The following SCN10A variants were observed in gnomAD, a reference collection of about 807,000 sequenced individuals.
SCN10A encodes sodium channel protein type 10 subunit alpha.
SCN10A carries 162 observed loss-of-function variants against 170.7 expected under a neutral mutation model. The observed-to-expected ratio is 0.95, with a 90% CI of 0.84 to 1.08. The LOEUF (loss-of-function observed/expected upper bound fraction) is 1.08, where lower values mean the gene tolerates loss of function less well. Among genes scored for constraint, SCN10A ranks in the 50% least tolerant of loss-of-function variants. SCN10A has a pLI of 0.00. For missense variants in SCN10A, 2,527 were observed against 2,436.9 expected (o/e 1.04, Z -0.78); for synonymous variants, 985 against 904.6 (o/e 1.09, Z -1.59).
At position 38,718,803 on chromosome 3, in the gene SCN10A, G is replaced by A. The variant is rs775657564; in HGVS notation, c.3531C>T (p.Asp1177=). 4 of 1,614,100 alleles carry A rather than the reference G, an allele frequency of 2.5e-6. No homozygotes were observed. The highest frequency in any genetic ancestry group is 3.3e-4 in the Middle Eastern group (2 of 6,084). ...GCAAAGCTTTCACCGTGGGCTTCTGGTCCAGGTAATAGTCTTCAAAGGCCT... is the reference window on the plus strand; with the variant it reads ...GCAAAGCTTTCACCGTGGGCTTCTGATCCAGGTAATAGTCTTCAAAGGCCT... ...GSLAFEDYYL[D]QKPTVKALLE... The change falls in exon 21 of 28, where the codon GAC becomes GAT. Residue 1177 remains aspartate, a synonymous_variant. Coordinates refer to ENST00000449082, the MANE Select transcript of SCN10A (RefSeq NM_006514.4).
At chr3:38,774,042 A>G (rs1296634775) in intron 4 of SCN10A, among the ~76,000 whole-genome samples, 1 of 152,216 alleles carries the variant, frequency 6.6e-6, no homozygotes, top group Non-Finnish European at 1.5e-5. Context: ...AAACTCTGTG[A>G]CCTTTTAAAT....
intron 1 of SCN10A, among the ~76,000 whole-genome samples, chr3:38,794,766 T>C (rs2064327718): frequency 6.6e-6 from 1 of 152,220 alleles, no homozygotes; most frequent in Non-Finnish European, 1.5e-5. Flanking sequence ...GTATCCCTAG[T>C]CAGCAGTTTC....
At chr3:38,798,969 G>T (rs1200331577) in intron 1 of SCN10A, among the ~76,000 whole-genome samples, 1 of 151,586 alleles carries the variant, frequency 6.6e-6, no homozygotes, top group African/African-American at 2.4e-5. Flanking sequence ...TCATATTTTT[G>T]ATGGGGTTTT....
chr3:38,703,298 G>A (rs2063176168), intron 26 of SCN10A, among the ~76,000 whole-genome samples: 1 of 152,172 alleles, frequency 6.6e-6, no homozygotes, highest in Non-Finnish European at 1.5e-5. Flanking sequence ...TAATGTCCAT[G>A]TGCATTACTC....
chr3:38,759,066 C>T (rs1237765374), intron 8 of SCN10A, among the ~76,000 whole-genome samples: 1 of 152,158 alleles, frequency 6.6e-6, no homozygotes, highest in East Asian at 1.9e-4. Flanking sequence ...ACCAAATGCT[C>T]CTGCTTGTTT....
In SCN10A at chr3:38,793,831, G is replaced by T. The variant is rs762808748; in HGVS notation, c.180C>A (p.Cys60Ter). ...KPRPQLDLKA[C>*]NQLPKFYGEL... ...CACCATAGAACTTGGGCAGCTGGTT[G>T]CAGGCTTTCAAGTCCAGCTGGGGCC... Residue 60 changes from cysteine to a stop codon, truncating the protein, a stop_gained, in exon 2 of 28, where the codon TGC (cysteine) becomes TGA (stop). Transcript: ENST00000449082. LOFTEE classifies it high-confidence loss of function. 6.2e-7 allele frequency: 1 copy of T among 1,614,044 alleles called. No individual in the cohort carries two copies. The highest frequency in any genetic ancestry group is 1.1e-5 in the South Asian group (1 of 91,072).
intron 1 of SCN10A, among the ~76,000 whole-genome samples, chr3:38,815,508 A>C (rs1323903902): frequency 1.3e-5 from 2 of 152,172 alleles, no homozygotes; most frequent in Non-Finnish European, 2.9e-5. Context: ...CCTGATCCTT[A>C]CTTCTCTAAC....
chr3:38,742,336 A>T lies in SCN10A; in HGVS notation c.2061T>A (p.His687Gln), dbSNP rs768347496. 6.2e-7 allele frequency: 1 copy of T among 1,613,540 alleles called. No homozygotes were observed. The change falls in exon 14 of 28, where the codon CAT becomes CAA. Residue 687 changes from histidine (H) to glutamine (Q), a missense_variant. Physicochemically the swap from His to Gln is conservative, Grantham distance 24. Transcript: ENST00000449082. ...VNTIFMAMEH[H>Q]GMSPTFEAML... is the part of the protein sequence containing the mutation. ...TGGCTTCGAAGGTAGGGCTCATGCC[A>T]TGGTGCTCCATGGCCATGAAGATGG...
intron 1 of SCN10A, among the ~76,000 whole-genome samples, chr3:38,813,628 C>T (rs1308193238): frequency 6.6e-6 from 1 of 152,142 alleles, no homozygotes; most frequent in Admixed American, 6.5e-5. Context: ...TATAACTGGC[C>T]ATGGCCACTC....
intron 14 of SCN10A, among the ~76,000 whole-genome samples, chr3:38,740,573 G>A (rs2063620509): frequency 6.6e-6 from 1 of 152,194 alleles, no homozygotes; most frequent in South Asian, 2.1e-4. Context: ...GTGGGGGGTA[G>A]GGTTGAGGTC....
At position 38,727,140 on chromosome 3, in the gene SCN10A, C is replaced by T. The variant is rs530423836; in HGVS notation, c.2641-88G>A. 4.7e-6 allele frequency: 6 copies of T among 1,281,582 alleles called. No individual in the cohort carries two copies. The East Asian group carries it at 9.5e-5, about 20-fold the overall frequency. The allele number at this position is 1,281,582 out of a possible 1,614,324, so 79.4% of individuals were successfully genotyped here. A position where few individuals can be genotyped will look rare whatever the true frequency, so the allele number is the denominator to read the frequency against. On this transcript the variant is annotated intron_variant, in intron 16 of 27. Transcript: ENST00000449082. ...CCGGGTTAGCAGCTGGCTGGCAAGACAGCCACGGCCTGGGCCTCTTCCTGC... is the reference window on the plus strand; with the variant it reads ...CCGGGTTAGCAGCTGGCTGGCAAGATAGCCACGGCCTGGGCCTCTTCCTGC...
At chr3:38,781,005 G>C (rs149567375) in intron 4 of SCN10A, among the ~76,000 whole-genome samples, 1 of 152,026 alleles carries the variant, frequency 6.6e-6, no homozygotes, top group African/African-American at 2.4e-5. Context: ...ACCATTCTAC[G>C]GTCATTCGGC....
Position 38,785,363 on chromosome 3 carries a change from C to T in SCN10A, c.470+3593G>A, listed in dbSNP as rs568572679. 3.3e-5 allele frequency among the ~76,000 whole-genome samples: 5 copies of T among 152,208 alleles called. No individual in the cohort carries two copies. In the East Asian group the frequency reaches 9.6e-4, roughly 29 times the overall value. On this transcript the variant is annotated intron_variant, in intron 4 of 27. Coordinates refer to ENST00000449082, the MANE Select transcript of SCN10A (RefSeq NM_006514.4). ...ACCATCTGATCTTTGACAAACTTGACAAAAGCAAGCAATGGGGAAAGGATT... is the reference window on the plus strand; with the variant it reads ...ACCATCTGATCTTTGACAAACTTGATAAAAGCAAGCAATGGGGAAAGGATT...
chr3:38,791,962 C>A, intron 3 of SCN10A, 88 bp downstream of exon 3: 2 of 1,502,288 alleles, frequency 1.3e-6, no homozygotes, highest in Non-Finnish European at 1.8e-6. Flanking sequence ...TGGATAAGGG[C>A]TCTGTTGCTA....
chr3:38,716,332 T>A (rs1273957595), intron 21 of SCN10A, among the ~76,000 whole-genome samples: 1 of 152,118 alleles, frequency 6.6e-6, no homozygotes, highest in Admixed American at 6.6e-5. Flanking sequence ...GGGAGGTAAG[T>A]GAATCATGGG....
At chr3:38,744,911 A>C (rs1256656822) in intron 13 of SCN10A, among the ~76,000 whole-genome samples, 3 of 152,192 alleles carry the variant, frequency 2.0e-5, no homozygotes, top group African/African-American at 4.8e-5. Flanking sequence ...TTAATCACTG[A>C]CTGGATTTTA....
chr3:38,774,870 A>G (rs1195139999), intron 4 of SCN10A, among the ~76,000 whole-genome samples: 3 of 152,140 alleles, frequency 2.0e-5, no homozygotes, highest in Non-Finnish European at 4.4e-5. Context: ...TGTATTCACA[A>G]TTTCCACTGT....
chr3:38,726,654 A>C lies in SCN10A; in HGVS notation c.3039T>G (p.Gly1013=). ...GCTGGAAGCTCTGAGCATCTTCCCCACCATCATCCTCCAAGTCATCAAGAT... is the reference window on the plus strand; with the variant it reads ...GCTGGAAGCTCTGAGCATCTTCCCCCCCATCATCCTCCAAGTCATCAAGAT... The part of the protein sequence containing the change: ...ESDLDDLEDD[G]GEDAQSFQQE... Residue 1013 remains glycine (G), a synonymous_variant, in exon 17 of 28, where the codon GGT becomes GGG. Transcript: ENST00000449082. The C allele has an allele frequency of 6.2e-7, 1 of 1,604,668 alleles. No individual in the cohort carries two copies. Among genetic ancestry groups the C allele is most frequent in the Non-Finnish European group, 8.5e-7 (1 of 1,172,458 alleles).
Position 38,726,925 on chromosome 3 carries a change from C to T in SCN10A, c.2768G>A (p.Arg923His), listed in dbSNP as rs759458296. The change falls in exon 17 of 28, where the codon CGT becomes CAT. Residue 923 changes from arginine to histidine, a missense_variant. Physicochemically the swap from Arg to His is conservative, Grantham distance 29. Coordinates refer to ENST00000449082, the MANE Select transcript of SCN10A (RefSeq NM_006514.4). The part of the protein sequence containing the change: ...ALARIQVFGH[R>H]TKQALCSFFS... The stretch of plus-strand genomic sequence containing the variant: ...GAAGCTGCAAAGAGCCTGTTTGGTA[C>T]GATGGCCAAAGACCTGGATCCGTGC... 62 of 1,614,086 alleles carry T rather than the reference C, an allele frequency of 3.8e-5. 1 individual carries two copies. In the South Asian group the frequency reaches 4.9e-4, roughly 13 times the overall value.
Sources: allele counts gnomAD v4.1 joint callset (sites outside exome capture counted in the v4.1 genomes callset), GRCh38; gene constraint gnomAD v4.1.1; transcripts MANE v1.5; gene names NCBI Gene and HGNC (gene_info 2026-07-23, HGNC 2026-07-21).